Variants in BCAS3 observed in about 807,000 individuals in gnomAD.
BCAS3 encodes the protein BCAS4/BCAS3 fusion.
Under a neutral mutation model 116.1 loss-of-function variants are expected in BCAS3, and 53 were observed. The ratio of observed to expected loss-of-function variants is 0.46; its 90% CI spans 0.37 to 0.57. The LOEUF (loss-of-function observed/expected upper bound fraction) is 0.57. BCAS3 is among the 20% of genes least tolerant of loss of function. The pLI is 0.00. For synonymous variants in BCAS3, 391 were observed against 408.2 expected, an observed-to-expected ratio of 0.96 and a Z score of 0.51; for missense variants, 917 against 1,165.4, an observed-to-expected ratio of 0.79 and a Z score of 3.10.
intron 23 of BCAS3, chr17:61,383,210 A>C (rs1479322117): frequency 6.6e-6 from 1 of 152,238 alleles, no homozygotes; most frequent in Non-Finnish European, 1.5e-5. Context: ...GAAGGGCCTC[A>C]CCGTGTCCTG....
chr17:61,368,788 C>T lies in BCAS3; in HGVS notation c.2593+294C>T, dbSNP rs973248422. ...CTTTCCTCCTTTGGGGGTGTCCCCA[C>T]GTCTTCCAGCAGCGCTCAGGCACTG... is the stretch of plus-strand genomic sequence containing the variant. On this transcript the variant is annotated intron_variant, in intron 23 of 23. Coordinates refer to ENST00000407086, the MANE Select transcript of BCAS3 (RefSeq NM_017679.5). This position sits in a 1 kb window ranked among gnomAD's most constrained non-coding sequence, Gnocchi z 6.0. Among the ~76,000 whole-genome samples the T allele has an allele frequency of 6.6e-5, 10 of 152,344 alleles. No homozygotes were observed. The highest frequency in any genetic ancestry group is 1.9e-4 in the East Asian group (1 of 5,180).
chr17:61,391,880 C>T lies in BCAS3; in HGVS notation c.2594-97C>T. On this transcript the variant is annotated intron_variant, in intron 23 of 23. Coordinates refer to ENST00000407086, the MANE Select transcript of BCAS3 (RefSeq NM_017679.5). The surrounding 1 kb of genome is among the most constrained non-coding windows in gnomAD (Gnocchi z 7.7). ...CCCTGCGGAAGGACACAAGTGAACC[C>T]AGAATGGTGCCTCAAGGCAGGCAGC... 6 of 1,374,666 alleles carry T rather than the reference C, an allele frequency of 4.4e-6. No homozygotes were observed. The highest frequency in any genetic ancestry group is 5.0e-6 in the Non-Finnish European group (5 of 998,242). 85.2% of individuals were successfully genotyped at this position (1,374,666 alleles called of 1,614,324 possible).
At chr17:61,273,249 C>T (rs1277016203) in intron 22 of BCAS3, among the ~76,000 whole-genome samples, 2 of 152,000 alleles carry the variant, frequency 1.3e-5, no homozygotes, top group Admixed American at 6.6e-5. Flanking sequence ...GCTGGGACTA[C>T]AGGCGCGCAC....
intron 16 of BCAS3, among the ~76,000 whole-genome samples, chr17:61,024,397 T>A (rs2066082891): frequency 6.6e-6 from 1 of 152,162 alleles, no homozygotes; most frequent in Non-Finnish European, 1.5e-5. Context: ...CCCTTTCTCC[T>A]TGAGTTCTGT....
At chr17:60,952,283 GTCTTA>G (rs1274741800) in intron 14 of BCAS3, among the ~76,000 whole-genome samples, 2 of 151,680 alleles carry the variant, frequency 1.3e-5, no homozygotes, top group Non-Finnish European at 2.9e-5. Context: ...AAACTGGGAA[GTCTTA>G]TCTTTTAAAT....
At chr17:61,295,141 T>C (rs1343741581) in intron 22 of BCAS3, among the ~76,000 whole-genome samples, 1 of 152,184 alleles carries the variant, frequency 6.6e-6, no homozygotes, top group Non-Finnish European at 1.5e-5. Context: ...CTCTAAGCCC[T>C]TGGAGGGTAT....
chr17:60,855,452 A>AT (rs565603643), intron 7 of BCAS3, among the ~76,000 whole-genome samples: 1,747 of 125,756 alleles, frequency 0.014, 58 homozygotes, highest in African/African-American at 0.04. Context: ...CTATTTTTAA[A>AT]TTTTTTTTTT....
In BCAS3 at chr17:61,173,987, A is replaced by G. The variant is rs143487830; in HGVS notation, c.2425+89423A>G. ...CATTTTAACACCAATACTATAATCC[A>G]TTTTTAAAAATGGAAATTGCACATC... On this transcript the variant is annotated intron_variant, in intron 22 of 23. Coordinates refer to ENST00000407086, the MANE Select transcript of BCAS3 (RefSeq NM_017679.5). Among the ~76,000 whole-genome samples, 1,336 of 152,350 alleles carry G rather than the reference A, an allele frequency of 8.8e-3. 11 individuals carry two copies. The highest frequency in any genetic ancestry group is 0.015 in the Non-Finnish European group (1,045 of 68,036).
Position 61,122,674 on chromosome 17 carries a change from T to C in BCAS3, c.2425+38110T>C, listed in dbSNP as rs2075844016. The stretch of plus-strand genomic sequence containing the variant: ...GTAGGATCTTGAAAGGGAAATCATA[T>C]ACATTTCCTTAAACTCACATGCTGA... On this transcript the variant is annotated intron_variant, in intron 22 of 23. Coordinates refer to ENST00000407086, the MANE Select transcript of BCAS3 (RefSeq NM_017679.5). The surrounding 1 kb of genome is among the most constrained non-coding windows in gnomAD (Gnocchi z 4.6). Among the ~76,000 whole-genome samples the C allele has an allele frequency of 6.6e-6, 1 of 152,164 alleles. No homozygotes were observed. Among genetic ancestry groups the C allele is most frequent in the Non-Finnish European group, 1.5e-5 (1 of 68,032 alleles).
chr17:61,304,913 C>G (rs1407062472), intron 22 of BCAS3, among the ~76,000 whole-genome samples: 1 of 152,038 alleles, frequency 6.6e-6, no homozygotes, highest in African/African-American at 2.4e-5. Flanking sequence ...ACCACCACGC[C>G]CAGCTAATTT....
intron 19 of BCAS3, among the ~76,000 whole-genome samples, chr17:61,043,633 A>G (rs1832327676): frequency 6.6e-6 from 1 of 151,906 alleles, no homozygotes. Flanking sequence ...TGGCATGGCT[A>G]CATTGTGTCC....
intron 22 of BCAS3, among the ~76,000 whole-genome samples, chr17:61,238,660 A>T (rs1285476853): frequency 6.6e-6 from 1 of 152,122 alleles, no homozygotes; most frequent in Non-Finnish European, 1.5e-5. Flanking sequence ...TCTGAGCGAC[A>T]CATTTGCTAC....
At chr17:60,823,897 G>A (rs563708019) in intron 7 of BCAS3, among the ~76,000 whole-genome samples, 4 of 152,084 alleles carry the variant, frequency 2.6e-5, no homozygotes, top group South Asian at 4.2e-4. Context: ...ATAGTGTTGA[G>A]GAAAAGAAAA....
chr17:60,927,578 T>C (rs2145170989), intron 13 of BCAS3, among the ~76,000 whole-genome samples: 1 of 152,250 alleles, frequency 6.6e-6, no homozygotes, highest in East Asian at 1.9e-4. Flanking sequence ...TCTATAGAAA[T>C]TTTGATGAGA....
chr17:60,724,420 CAAAA>C (rs748461644), intron 5 of BCAS3, among the ~76,000 whole-genome samples: 1 of 39,782 alleles, frequency 2.5e-5, no homozygotes, highest in East Asian at 7.8e-4. Flanking sequence ...GAGACTGTCT[CAAAA>C]AAAAAAAAAA....
Position 61,214,772 on chromosome 17 carries a change from T to C in BCAS3, c.2425+130208T>C, listed in dbSNP as rs1323938187. ...TATTTTGATGGACTGTTCTTTGGAATTAACAGGTCCACAAGCCAGTGGCTT... is the reference window on the plus strand; with the variant it reads ...TATTTTGATGGACTGTTCTTTGGAACTAACAGGTCCACAAGCCAGTGGCTT... On this transcript the variant is annotated intron_variant, in intron 22 of 23. Transcript: ENST00000407086. This position sits in a 1 kb window ranked among gnomAD's most constrained non-coding sequence, Gnocchi z 4.4. Among the ~76,000 whole-genome samples, 1 of 152,240 alleles carries C rather than the reference T, an allele frequency of 6.6e-6. No individual in the cohort carries two copies. The highest frequency in any genetic ancestry group is 1.5e-5 in the Non-Finnish European group (1 of 68,044).
At chr17:61,301,780 C>A (rs572414524) in intron 22 of BCAS3, among the ~76,000 whole-genome samples, 4 of 152,238 alleles carry the variant, frequency 2.6e-5, no homozygotes, top group African/African-American at 9.6e-5. Flanking sequence ...AGTCCAAATT[C>A]ATGGACCACC....
intron 6 of BCAS3, among the ~76,000 whole-genome samples, chr17:60,779,630 A>G (rs2045622870): frequency 6.6e-6 from 1 of 152,164 alleles, no homozygotes; most frequent in Non-Finnish European, 1.5e-5. Flanking sequence ...TGGCCTCCCA[A>G]AGTACTGGGA....
chr17:61,169,446 T>A (rs2144107007), intron 22 of BCAS3, among the ~76,000 whole-genome samples: 1 of 152,170 alleles, frequency 6.6e-6, no homozygotes, highest in Non-Finnish European at 1.5e-5. Flanking sequence ...CCTTGTTATT[T>A]AAAAAAAATT....
Sources: allele counts gnomAD v4.1 joint callset (sites outside exome capture counted in the v4.1 genomes callset), GRCh38; gene constraint gnomAD v4.1.1; non-coding constraint Gnocchi (gnomAD v3.1); transcripts MANE v1.5; gene names NCBI Gene and HGNC (gene_info 2026-07-23, HGNC 2026-07-21).